The following STIM2 variants were observed in gnomAD, a reference collection of about 807,000 sequenced individuals.
STIM2 encodes stromal interaction molecule 2.
STIM2 carries 31 observed loss-of-function variants against 85.8 expected under a neutral mutation model. The observed-to-expected ratio is 0.36, with a 90% CI of 0.27 to 0.49. STIM2 has a LOEUF of 0.49. Among genes scored for constraint, STIM2 ranks in the 20% least tolerant of loss-of-function variants. The pLI is 0.98. For synonymous variants in STIM2, 356 were observed against 331.1 expected (o/e 1.08, Z -0.82); for missense variants, 841 against 927.6 (o/e 0.91, Z 1.21).
chr4:26,888,151 G>T (rs562713632), intron 1 of STIM2, among the ~76,000 whole-genome samples: 1 of 152,160 alleles, frequency 6.6e-6, no homozygotes, highest in Non-Finnish European at 1.5e-5. Context: ...TGAATAACTG[G>T]ATACTATAGT....
intron 1 of STIM2, among the ~76,000 whole-genome samples, chr4:26,880,646 A>AATATATATATAAATATATATGTAAAT (rs1560192544): frequency 1.1e-4 from 16 of 145,704 alleles, no homozygotes; most frequent in African/African-American, 3.7e-4. Flanking sequence ...TATATATGTA[A>AATATATATATAAATATATATGTAAAT]ATATATATAT....
At chr4:26,932,334 G>C (rs566743514) in intron 2 of STIM2, among the ~76,000 whole-genome samples, 6 of 152,262 alleles carry the variant, frequency 3.9e-5, no homozygotes, top group African/African-American at 1.2e-4. Context: ...TGTCTCTTAA[G>C]TTTGGCATAA....
In STIM2 at chr4:27,023,276, A is replaced by G; in HGVS notation, c.*280A>G. 2.6e-6 allele frequency: 1 copy of G among 382,704 alleles called. No individual in the cohort carries two copies. Among genetic ancestry groups the G allele is most frequent in the Non-Finnish European group, 4.8e-6 (1 of 207,832 alleles). The allele number at this position is 382,704 out of a possible 1,614,324, so 23.7% of individuals were successfully genotyped here. ...GCCTATTTATTTCTGCTTTGTTCTCAGTGATGTATATGCAACATTTTGTTG... is the reference window on the plus strand; with the variant it reads ...GCCTATTTATTTCTGCTTTGTTCTCGGTGATGTATATGCAACATTTTGTTG... On this transcript the variant is annotated 3_prime_UTR_variant, in exon 12 of 12. Transcript: ENST00000467087.
chr4:26,912,838 C>T (rs1005096906), intron 1 of STIM2, among the ~76,000 whole-genome samples: 2 of 152,176 alleles, frequency 1.3e-5, no homozygotes, highest in Non-Finnish European at 2.9e-5. Flanking sequence ...TGCTACTTCA[C>T]CTGTCTTTTG....
chr4:26,891,362 T>TCTAGCTTG (rs1169421056), intron 1 of STIM2, among the ~76,000 whole-genome samples: 2 of 152,190 alleles, frequency 1.3e-5, no homozygotes, highest in African/African-American at 4.8e-5. Flanking sequence ...TGCTTGAGTT[T>TCTAGCTTG]CTAGCTTGCT....
intron 3 of STIM2, among the ~76,000 whole-genome samples, chr4:26,991,156 A>G (rs1242813038): frequency 6.6e-6 from 1 of 152,160 alleles, no homozygotes; most frequent in Non-Finnish European, 1.5e-5. Context: ...CACTATTCAC[A>G]ATAGGCAAGA....
chr4:26,979,242 T>A (rs1313696410), intron 3 of STIM2, among the ~76,000 whole-genome samples: 1 of 152,176 alleles, frequency 6.6e-6, no homozygotes, highest in Non-Finnish European at 1.5e-5. Context: ...AACATAGGTA[T>A]TTTTAAAAGC....
chr4:26,918,155 A>G (rs948791216), intron 1 of STIM2, among the ~76,000 whole-genome samples: 1 of 152,116 alleles, frequency 6.6e-6, no homozygotes, highest in South Asian at 2.1e-4. Context: ...TTGAATTAAA[A>G]CTATTAAAAA....
Position 27,017,800 on chromosome 4 carries a change from C to T in STIM2, c.1579C>T (p.Gln527Ter). 1.2e-6 allele frequency: 2 copies of T among 1,614,168 alleles called. No homozygotes were observed. Among genetic ancestry groups the T allele is most frequent in the Non-Finnish European group, 1.7e-6 (2 of 1,180,046 alleles). ...CATTGTGCCGTCCTCGCCTCAGCCT[C>T]AGCGAGCTCAGCTTGCTCCACACGC... The change falls in exon 11 of 12, where the codon CAG becomes TAG. Residue 527 changes from glutamine to a stop codon, truncating the protein, a stop_gained. Transcript: ENST00000467087. LOFTEE classifies it high-confidence loss of function.
intron 4 of STIM2, among the ~76,000 whole-genome samples, chr4:26,997,519 G>C (rs966910837): frequency 6.6e-6 from 1 of 152,120 alleles, no homozygotes; most frequent in Non-Finnish European, 1.5e-5. Context: ...CCACTCAGGT[G>C]GAATCATTTT....
intron 3 of STIM2, among the ~76,000 whole-genome samples, chr4:26,963,998 A>T (rs1381550581): frequency 6.6e-6 from 1 of 152,210 alleles, no homozygotes; most frequent in Non-Finnish European, 1.5e-5. Flanking sequence ...TGTCTACCAC[A>T]TAGTAAGTGA....
chr4:26,875,279 T>C (rs899919995), intron 1 of STIM2, among the ~76,000 whole-genome samples: 3 of 152,194 alleles, frequency 2.0e-5, no homozygotes, highest in Admixed American at 6.5e-5. Flanking sequence ...AAAAATCTTA[T>C]AGAAATATGC....
chr4:27,022,019 C>T (rs1258096928), intron 11 of STIM2, among the ~76,000 whole-genome samples: 1 of 152,134 alleles, frequency 6.6e-6, no homozygotes, highest in Admixed American at 6.5e-5. Context: ...CCCTGCCCCC[C>T]TTTTAAATTT....
intron 7 of STIM2, among the ~76,000 whole-genome samples, chr4:27,004,590 C>G (rs1030490944): frequency 1.3e-5 from 2 of 152,128 alleles, no homozygotes; most frequent in Non-Finnish European, 2.9e-5. Context: ...TCACAGGTGC[C>G]TGCCTCACAG....
At chr4:26,994,731 G>A (rs1727894011) in intron 3 of STIM2, among the ~76,000 whole-genome samples, 1 of 152,030 alleles carries the variant, frequency 6.6e-6, no homozygotes, top group South Asian at 2.1e-4. Flanking sequence ...CCATCTGAAG[G>A]CTTTTTTTTA....
chr4:26,875,388 T>C (rs933719809), intron 1 of STIM2, among the ~76,000 whole-genome samples: 2 of 152,198 alleles, frequency 1.3e-5, no homozygotes, highest in Non-Finnish European at 2.9e-5. Context: ...ACTTTTATAG[T>C]GTACTAAAAA....
At chr4:26,938,235 AAT>A (rs1725466943) in intron 2 of STIM2, among the ~76,000 whole-genome samples, 1 of 151,984 alleles carries the variant, frequency 6.6e-6, no homozygotes, top group Non-Finnish European at 1.5e-5. Context: ...ATATTTAACA[AAT>A]AAAGATTGTG....
At chr4:26,988,862 A>T (rs1727668357) in intron 3 of STIM2, among the ~76,000 whole-genome samples, 1 of 152,198 alleles carries the variant, frequency 6.6e-6, no homozygotes, top group South Asian at 2.1e-4. Flanking sequence ...CTAGGCTAAC[A>T]CTTTAGCAAT....
chr4:26,902,970 C>T (rs1181534858), intron 1 of STIM2, among the ~76,000 whole-genome samples: 2 of 152,064 alleles, frequency 1.3e-5, no homozygotes, highest in Non-Finnish European at 2.9e-5. Flanking sequence ...TTGTCTTTCT[C>T]TAATATTACA....
Sources: allele counts gnomAD v4.1 joint callset (sites outside exome capture counted in the v4.1 genomes callset), GRCh38; gene constraint gnomAD v4.1.1; transcripts MANE v1.5; gene names NCBI Gene and HGNC (gene_info 2026-07-23, HGNC 2026-07-21).